The following DAB2 variants were observed in gnomAD, a reference collection of about 807,000 sequenced individuals.
The protein encoded by DAB2 is disabled homolog 2.
In DAB2, 28 loss-of-function variants were observed where a neutral mutation model predicts 71.6. That is an observed-to-expected ratio of 0.39 (90% CI 0.29 to 0.54). DAB2 has a LOEUF of 0.54. DAB2 is among the 20% of genes least tolerant of loss of function. The pLI is 0.68. For missense variants in DAB2, 867 were observed against 928.8 expected (o/e 0.93, Z 0.86); for synonymous variants, 345 against 339.7 (o/e 1.02, Z -0.17).
chr5:39,393,470 T>G, intron 2 of DAB2, 77 bp from the exon 3 acceptor site: 1 of 1,412,340 alleles, frequency 7.1e-7, no homozygotes, highest in South Asian at 1.3e-5. Context: ...TCTCCAAAAT[T>G]TAAGTAATAT....
intron 1 of DAB2, among the ~76,000 whole-genome samples, chr5:39,404,395 A>T (rs1158939580): frequency 2.8e-5 from 4 of 144,712 alleles, no homozygotes; most frequent in Middle Eastern, 7.2e-3. Context: ...AAAGTATAAT[A>T]AAAAAAAAGA....
At position 39,376,159 on chromosome 5, in the gene DAB2, G is replaced by T. The variant is rs1579897311; in HGVS notation, c.2138-53C>A. The T allele has an allele frequency of 5.9e-6, 8 of 1,365,488 alleles. No individual in the cohort carries two copies. The South Asian group carries it at 8.3e-5, about 14-fold the overall frequency. The allele number at this position is 1,365,488 out of a possible 1,614,324, so 84.6% of individuals were successfully genotyped here. The stretch of plus-strand genomic sequence containing the variant: ...GTAGACAAGCTTTCCCCAAATATAG[G>T]CCAGTCCCCGAGTCAGCTTATTTTT... On this transcript the variant is annotated intron_variant, in intron 12 of 14. Transcript: ENST00000320816.
At chr5:39,412,343 G>C (rs922150040) in intron 1 of DAB2, among the ~76,000 whole-genome samples, 1 of 152,048 alleles carries the variant, frequency 6.6e-6, no homozygotes, top group African/African-American at 2.4e-5. Flanking sequence ...CCAACTTAAA[G>C]CCATTGCAAT....
rs370745807 is a variant in DAB2, at chr5:39,420,322, T to A, written c.-102+4482A>T. Among the ~76,000 whole-genome samples, 207 of 152,328 alleles carry A rather than the reference T, an allele frequency of 1.4e-3. 11 individuals are homozygous for A. The South Asian group carries it at 0.04, about 29-fold the overall frequency. On this transcript the variant is annotated intron_variant, in intron 1 of 14. Coordinates refer to ENST00000320816, the MANE Select transcript of DAB2 (RefSeq NM_001343.4). ...ATATTGCTAGGTAGCAATAGGGTAG[T>A]TTTTTACCAAGAGACAACATTAAAC...
chr5:39,373,485 G>A (rs1443750098), intron 14 of DAB2, 60 bp from the exon 15 acceptor site: 7 of 152,348 alleles, frequency 4.6e-5, no homozygotes, highest in African/African-American at 7.2e-5. Flanking sequence ...GAATATCAAT[G>A]TATTAAATAT....
intron 1 of DAB2, among the ~76,000 whole-genome samples, chr5:39,415,614 C>CA (rs1320256607): frequency 6.6e-6 from 1 of 152,136 alleles, no homozygotes; most frequent in East Asian, 1.9e-4. Context: ...AGGGTCCCTA[C>CA]AGCTTGCTTT....
At chr5:39,384,035 C>T (rs546400621) in intron 9 of DAB2, among the ~76,000 whole-genome samples, 49 of 152,222 alleles carry the variant, frequency 3.2e-4, no homozygotes, top group Non-Finnish European at 6.5e-4. Context: ...GAAAGAGACA[C>T]TCAATACTGA....
rs752393381 is a variant in DAB2, at chr5:39,382,814, G to C, written c.1145C>G (p.Ser382Cys). The change falls in exon 10 of 15, where the codon TCT becomes TGT. Residue 382 changes from serine (S) to cysteine (C), a missense_variant. By Grantham distance (112) the Ser-to-Cys change is moderately radical (BLOSUM62 -1). This residue lies in a region of DAB2 where 740 missense variants were observed against 734.3 expected (regional missense o/e 1.01). Coordinates refer to ENST00000320816, the MANE Select transcript of DAB2 (RefSeq NM_001343.4). Reference sequence around the variant, plus strand: ...AGAGAAGCCGTTCTGTTCTCTTTCAGATACCCCATTTTGAGTTCTCACTGC... The same window carrying C: ...AGAGAAGCCGTTCTGTTCTCTTTCACATACCCCATTTTGAGTTCTCACTGC... ...QPAVRTQNGV[S>C]EREQNGFSVK... 10 of 1,614,132 alleles carry C rather than the reference G, an allele frequency of 6.2e-6. No homozygotes were observed. The highest frequency in any genetic ancestry group is 7.6e-6 in the Non-Finnish European group (9 of 1,180,022).
At chr5:39,407,231 T>C (rs892419339) in intron 1 of DAB2, among the ~76,000 whole-genome samples, 4 of 152,220 alleles carry the variant, frequency 2.6e-5, no homozygotes, top group Non-Finnish European at 5.9e-5. Flanking sequence ...GTTTGTTTGT[T>C]CTGTTTGTGA....
rs763975780 is a variant in DAB2, at chr5:39,376,929, G to A, written c.1858C>T (p.Pro620Ser). ...GGGCCAGCTCTGGGAGGTGGCTGAG[G>A]AGGAGTGACCAGGAGAGAGGAGTGC... Reference protein sequence around the residue: ...SMHSSLLVTPPQPPPRAGPPK... With the variant: ...SMHSSLLVTPSQPPPRAGPPK... The change falls in exon 12 of 15, where the codon CCT becomes TCT. Residue 620 changes from proline (P) to serine (S), a missense_variant. This residue lies in a region of DAB2 where 740 missense variants were observed against 734.3 expected (regional missense o/e 1.01). Coordinates refer to ENST00000320816, the MANE Select transcript of DAB2 (RefSeq NM_001343.4). The A allele has an allele frequency of 4.3e-6, 7 of 1,614,072 alleles. No homozygotes were observed. The highest frequency in any genetic ancestry group is 5.9e-6 in the Non-Finnish European group (7 of 1,180,030).
chr5:39,375,049 A>G lies in DAB2; in HGVS notation c.2283T>C (p.Tyr761=), dbSNP rs1754791143. The G allele has an allele frequency of 1.2e-6, 2 of 1,612,072 alleles. No individual in the cohort carries two copies. Among genetic ancestry groups the G allele is most frequent in the Non-Finnish European group, 8.5e-7 (1 of 1,178,628 alleles). The change falls in exon 14 of 15, where the codon TAT becomes TAC. Residue 761 remains tyrosine (Y), a synonymous_variant. Coordinates refer to ENST00000320816, the MANE Select transcript of DAB2 (RefSeq NM_001343.4). ...CAAAAGGATTTCCAAATGGATCCCT[A>G]TACATCTCAGAAGATACAGGTTGAG... ...ASSQPVSSEM[Y]RDPFGNPFA
chr5:39,407,725 T>C (rs945391579), intron 1 of DAB2, among the ~76,000 whole-genome samples: 7 of 152,248 alleles, frequency 4.6e-5, no homozygotes, highest in Non-Finnish European at 8.8e-5. Flanking sequence ...ATCCTAATTA[T>C]TGAATACTTC....
chr5:39,407,873 G>C (rs1755642321), intron 1 of DAB2, among the ~76,000 whole-genome samples: 1 of 152,224 alleles, frequency 6.6e-6, no homozygotes, highest in Non-Finnish European at 1.5e-5. Flanking sequence ...ACGTACACTA[G>C]TAGAATTATT....
At chr5:39,388,151 A>G in intron 9 of DAB2, 154 bp downstream of exon 9, 1 of 625,148 alleles carries the variant, frequency 1.6e-6, no homozygotes, top group African/African-American at 1.8e-5. Flanking sequence ...GTGACTTAAG[A>G]TTCACATTTA....
chr5:39,376,266 T>C lies in DAB2; in HGVS notation c.2138-160A>G, dbSNP rs369277390. On this transcript the variant is annotated intron_variant, in intron 12 of 14. Coordinates refer to ENST00000320816, the MANE Select transcript of DAB2 (RefSeq NM_001343.4). ...ATACTAGGTACCCCAATAATTATTA[T>C]CCTTCTCGGAAGAGAAAGCCATGCA... 1.4e-3 allele frequency among the ~76,000 whole-genome samples: 206 copies of C among 152,280 alleles called. 10 individuals carry two copies. In the South Asian group the frequency reaches 0.04, roughly 29 times the overall value.
chr5:39,387,297 T>G (rs1215285950), intron 9 of DAB2, among the ~76,000 whole-genome samples: 2 of 152,172 alleles, frequency 1.3e-5, no homozygotes, highest in Non-Finnish European at 2.9e-5. Flanking sequence ...GAGAGTCCTT[T>G]CTAGACATTT....
intron 1 of DAB2, among the ~76,000 whole-genome samples, chr5:39,403,207 A>G (rs1016423252): frequency 6.6e-6 from 1 of 152,240 alleles, no homozygotes; most frequent in African/African-American, 2.4e-5. Context: ...TCATTTTATT[A>G]TAATGATTAG....
intron 1 of DAB2, among the ~76,000 whole-genome samples, chr5:39,424,470 TACACACACACACACACACAC>T (rs56974213): frequency 0.012 from 1,604 of 134,552 alleles, 31 homozygotes; most frequent in African/African-American, 0.042. Context: ...GCAGACCTTT[TACACACACACACACACACAC>T]ACACACACAC....
intron 3 of DAB2, 42 bp from the exon 4 acceptor site, chr5:39,392,505 A>G (rs778412074): frequency 7.9e-6 from 11 of 1,397,336 alleles, no homozygotes; most frequent in Non-Finnish European, 9.1e-6. Context: ...ATTTTTAAAA[A>G]CATCCTACAA....
Sources: gnomAD v4.1 joint callset for allele counts (sites outside exome capture counted in the v4.1 genomes callset) on GRCh38, gnomAD v4.1.1 for gene constraint, gnomAD v4.1.1 regional missense constraint, MANE v1.5 for transcripts, NCBI Gene and HGNC (gene_info 2026-07-23, HGNC 2026-07-21) for gene names.